SLC75A1: variants seen among roughly 807,000 people sequenced by gnomAD.
SLC75A1 encodes the protein major facilitator superfamily domain containing 10.
At chr4:2,932,244 C>T in the SLC75A1 span, 14 of 1,543,502 alleles carry the variant, frequency 9.1e-6, no homozygotes, top group Admixed American at 2.0e-5. Flanking sequence ...ACCAAGAGAG[C>T]GGCCCAGCCT....
At chr4:2,932,283 G>A in the SLC75A1 span, 140 of 1,563,778 alleles carry the variant, frequency 9.0e-5, no homozygotes, top group African/African-American at 1.1e-4. Context: ...GCACACAGGG[G>A]CACTTTACAT....
At chr4:2,933,089 C>A in the SLC75A1 span, 25 of 1,610,552 alleles carry the variant, frequency 1.6e-5, no homozygotes, top group Non-Finnish European at 2.1e-5. Flanking sequence ...CATGGGCACC[C>A]AGGCCCAGGA....
At chr4:2,932,834 C>G in the SLC75A1 span, 16 of 1,487,932 alleles carry the variant, frequency 1.1e-5, no homozygotes, top group Middle Eastern at 2.2e-4. Context: ...GCTTGGCAAC[C>G]CAGACAACAC....
the SLC75A1 span, chr4:2,930,837 G>C: frequency 1.2e-6 from 2 of 1,612,960 alleles, no homozygotes; most frequent in Non-Finnish European, 8.5e-7. Context: ...CAGTGGCTCA[G>C]CTACTCAGCC....
the SLC75A1 span, chr4:2,932,040 C>T: frequency 3.1e-6 from 5 of 1,610,672 alleles, no homozygotes; most frequent in Non-Finnish European, 4.2e-6. Context: ...TGGTCGAGTC[C>T]TTACTGTCTC....
At chr4:2,933,987 C>T in the SLC75A1 span, 20 of 1,493,664 alleles carry the variant, frequency 1.3e-5, no homozygotes, top group South Asian at 2.5e-5. Flanking sequence ...GAAGCCGAGT[C>T]CTCCGGGGCC....
At chr4:2,931,289 CGAG>C in the SLC75A1 span, 4 of 1,551,122 alleles carry the variant, frequency 2.6e-6, no homozygotes, top group Non-Finnish European at 3.5e-6. Context: ...TGGGAGACAT[CGAG>C]GAGGTGCCCG....
the SLC75A1 span, chr4:2,930,858 G>T: frequency 2.5e-6 from 4 of 1,613,124 alleles, no homozygotes; most frequent in African/African-American, 2.7e-5. Context: ...TTGAGCGTCT[G>T]TGCCGGGTAA....
chr4:2,931,249 C>A, the SLC75A1 span: 5 of 1,563,766 alleles, frequency 3.2e-6, no homozygotes, highest in Non-Finnish European at 2.6e-6. Context: ...CCACGGAGGA[C>A]AGGCAGGGCA....
At chr4:2,930,812 C>G in the SLC75A1 span, 1 of 1,611,256 alleles carries the variant, frequency 6.2e-7, no homozygotes, top group South Asian at 1.1e-5. Flanking sequence ...CTGCCTGGTG[C>G]CCACAGCCTG....
chr4:2,934,124 A>G, the SLC75A1 span: 1 of 621,226 alleles, frequency 1.6e-6, no homozygotes, highest in Middle Eastern at 4.3e-4. Flanking sequence ...GGCAGCAGGA[A>G]ACGCAGGCTT....
the SLC75A1 span, chr4:2,931,911 G>C: frequency 2.5e-6 from 4 of 1,610,644 alleles, no homozygotes; most frequent in Non-Finnish European, 3.4e-6. Context: ...AGTAGACTAG[G>C]CCCAGGCGGC....
the SLC75A1 span, chr4:2,932,430 C>T: frequency 6.2e-7 from 1 of 1,613,752 alleles, no homozygotes; most frequent in East Asian, 2.2e-5. Flanking sequence ...CAGGGCAAAC[C>T]AGGGTGCCAT....
At chr4:2,932,417 G>T in the SLC75A1 span, 17 of 1,613,704 alleles carry the variant, frequency 1.1e-5, no homozygotes, top group Non-Finnish European at 1.4e-5. Context: ...AGGCTGCGAA[G>T]AGCAGGGCAA....
chr4:2,932,397 A>G, the SLC75A1 span: 1 of 1,613,634 alleles, frequency 6.2e-7, no homozygotes, highest in Non-Finnish European at 8.5e-7. Context: ...GAAGATGAAC[A>G]GCAGGTCGGA....
At chr4:2,930,727 C>A in the SLC75A1 span, 1 of 1,278,216 alleles carries the variant, frequency 7.8e-7, no homozygotes, top group Non-Finnish European at 1.1e-6. Flanking sequence ...GGCCGGCCCC[C>A]ACCCACAGGG....
chr4:2,933,341 C>T, the SLC75A1 span: 1 of 1,025,254 alleles, frequency 9.8e-7, no homozygotes, highest in Non-Finnish European at 1.4e-6. Context: ...GGCCATGGCC[C>T]TTGAGCCGAG....
the SLC75A1 span, chr4:2,932,401 G>A: frequency 2.5e-6 from 4 of 1,613,486 alleles, no homozygotes; most frequent in Non-Finnish European, 3.4e-6. Flanking sequence ...ATGAACAGCA[G>A]GTCGGAGGCT....
At chr4:2,933,547 G>A in the SLC75A1 span, 3 of 1,612,900 alleles carry the variant, frequency 1.9e-6, no homozygotes, top group South Asian at 1.1e-5. Context: ...AGCCCGCCAA[G>A]GGCACAGAGC....
Sources: allele counts gnomAD v4.1 joint callset, GRCh38; gene constraint gnomAD v4.1.1; transcripts MANE v1.5; gene names NCBI Gene and HGNC (gene_info 2026-07-23, HGNC 2026-07-21).